Variants in TIAM1 observed in about 807,000 individuals in gnomAD.
The protein encoded by TIAM1 is TIAM Rac1 associated GEF 1.
TIAM1 carries 65 observed loss-of-function variants against 163.5 expected under a neutral mutation model. That is an observed-to-expected ratio of 0.40 (90% CI 0.33 to 0.49). The LOEUF is 0.49. Ranked by LOEUF, TIAM1 falls within the 20% of genes least tolerant of loss-of-function variation. The probability of loss-of-function intolerance (pLI) is 0.77; values close to 1 mark genes in which losing one functional copy is unlikely to be tolerated. For synonymous variants in TIAM1, 833 were observed against 810.1 expected, an observed-to-expected ratio of 1.03 and a Z score of -0.48; for missense variants, 1,789 against 2,044.7, an observed-to-expected ratio of 0.87 and a Z score of 2.41.
intron 1 of TIAM1, among the ~76,000 whole-genome samples, chr21:31,525,930 A>G (rs2047765633): frequency 6.7e-6 from 1 of 149,876 alleles, no homozygotes; most frequent in African/African-American, 2.5e-5. Flanking sequence ...GCTACTCGAG[A>G]GGCTGAGGCA....
At chr21:31,393,063 C>CT (rs893247526) in intron 2 of TIAM1, among the ~76,000 whole-genome samples, 20 of 151,480 alleles carry the variant, frequency 1.3e-4, no homozygotes, top group Admixed American at 7.2e-4. Context: ...GCAAGCAATT[C>CT]TCATGCCTCA....
At chr21:31,185,756 C>T (rs1399807191) in intron 14 of TIAM1, among the ~76,000 whole-genome samples, 1 of 149,364 alleles carries the variant, frequency 6.7e-6, no homozygotes, top group East Asian at 2.0e-4. Flanking sequence ...AGTGTAGGTC[C>T]TAAATCCAAT....
intron 16 of TIAM1, among the ~76,000 whole-genome samples, chr21:31,158,488 A>T (rs1257917042): frequency 1.3e-5 from 2 of 152,210 alleles, no homozygotes; most frequent in African/African-American, 4.8e-5. Flanking sequence ...GTCCAGATGG[A>T]TGTAATCTCT....
chr21:31,442,490 C>T (rs1254679021), intron 2 of TIAM1, among the ~76,000 whole-genome samples: 1 of 152,102 alleles, frequency 6.6e-6, no homozygotes, highest in Non-Finnish European at 1.5e-5. Context: ...GCCTCCGCCT[C>T]CCAAGGCACT....
chr21:31,181,756 C>CTTTTTTTTTTTTTTTTTTT (rs781153297), intron 15 of TIAM1, among the ~76,000 whole-genome samples: 2 of 41,344 alleles, frequency 4.8e-5, no homozygotes, highest in Non-Finnish European at 1.1e-4. Context: ...TCTTCTTCTT[C>CTTTTTTTTTTTTTTTTTTT]TTTTTTTTTT....
At chr21:31,554,021 C>T (rs917193318) in intron 1 of TIAM1, among the ~76,000 whole-genome samples, 1 of 152,078 alleles carries the variant, frequency 6.6e-6, no homozygotes, top group Admixed American at 6.6e-5. Flanking sequence ...GATGGATTGA[C>T]CTATGTTTAC....
chr21:31,434,234 T>A (rs1294535557), intron 2 of TIAM1, among the ~76,000 whole-genome samples: 2 of 152,100 alleles, frequency 1.3e-5, no homozygotes, highest in South Asian at 2.1e-4. Flanking sequence ...CTGAAACAAT[T>A]TAAAAATTGG....
At chr21:31,530,421 G>T (rs1167680230) in intron 1 of TIAM1, among the ~76,000 whole-genome samples, 1 of 152,230 alleles carries the variant, frequency 6.6e-6, no homozygotes, top group Non-Finnish European at 1.5e-5. Flanking sequence ...ATCCCCAAAT[G>T]CCTGCTCTTC....
At chr21:31,309,540 T>C (rs2074844509) in intron 2 of TIAM1, among the ~76,000 whole-genome samples, 1 of 152,160 alleles carries the variant, frequency 6.6e-6, no homozygotes, top group South Asian at 2.1e-4. Context: ...TTAAACTTAT[T>C]GGGAAAAAAA....
At chr21:31,384,116 G>A (rs979688509) in intron 2 of TIAM1, among the ~76,000 whole-genome samples, 1 of 152,032 alleles carries the variant, frequency 6.6e-6, no homozygotes, top group Admixed American at 6.6e-5. Context: ...CATATCCTGT[G>A]GTGTTCATAG....
chr21:31,547,756 G>GA, intron 1 of TIAM1, among the ~76,000 whole-genome samples: 1 of 152,244 alleles, frequency 6.6e-6, no homozygotes, highest in South Asian at 2.1e-4. Context: ...AACGTTTTCT[G>GA]AAAATATTTT....
intron 2 of TIAM1, among the ~76,000 whole-genome samples, chr21:31,310,658 C>T (rs568548530): frequency 2.6e-5 from 4 of 152,260 alleles, no homozygotes; most frequent in South Asian, 2.1e-4. Context: ...GCCTTTCAGA[C>T]GCAGAAGGTA....
chr21:31,212,488 A>C (rs2086932853), intron 10 of TIAM1: 1 of 152,092 alleles, frequency 6.6e-6, no homozygotes, highest in African/African-American at 2.4e-5. Context: ...CTATTTATTT[A>C]GAGGCTGAAA....
chr21:31,520,721 T>A (rs528320589), intron 1 of TIAM1, among the ~76,000 whole-genome samples: 1 of 152,198 alleles, frequency 6.6e-6, no homozygotes, highest in Non-Finnish European at 1.5e-5. Context: ...ACAAAGCCAG[T>A]CAAAAGCACT....
At chr21:31,282,616 T>A (rs529180906) in intron 2 of TIAM1, among the ~76,000 whole-genome samples, 22 of 152,268 alleles carry the variant, frequency 1.4e-4, no homozygotes, top group African/African-American at 5.1e-4. Flanking sequence ...AAAGCTGAGA[T>A]AGCAATAAGG....
intron 2 of TIAM1, among the ~76,000 whole-genome samples, chr21:31,422,560 T>C (rs1467638888): frequency 6.6e-6 from 1 of 152,002 alleles, no homozygotes; most frequent in Non-Finnish European, 1.5e-5. Context: ...GAGCTGAACA[T>C]ACATATAACA....
intron 6 of TIAM1, among the ~76,000 whole-genome samples, chr21:31,234,957 C>G (rs2088663332): frequency 6.6e-6 from 1 of 152,048 alleles, no homozygotes; most frequent in Non-Finnish European, 1.5e-5. Flanking sequence ...AAATGATCTC[C>G]AAGCCAAAAT....
chr21:31,502,926 A>G (rs1388259978), intron 1 of TIAM1, among the ~76,000 whole-genome samples: 1 of 152,220 alleles, frequency 6.6e-6, no homozygotes, highest in Non-Finnish European at 1.5e-5. Context: ...AGTTAGGATG[A>G]TGAAATTGAC....
chr21:31,173,983 C>T (rs781655053), intron 15 of TIAM1, among the ~76,000 whole-genome samples: 4 of 152,196 alleles, frequency 2.6e-5, no homozygotes, highest in East Asian at 1.9e-4. Context: ...AGAAGCACAG[C>T]AGGCCGACAG....
Sources: allele counts gnomAD v4.1 joint callset (sites outside exome capture counted in the v4.1 genomes callset), GRCh38; gene constraint gnomAD v4.1.1; transcripts MANE v1.5; gene names NCBI Gene and HGNC (gene_info 2026-07-23, HGNC 2026-07-21).